Variants in ENTPD1 observed in about 807,000 individuals in gnomAD.
ENTPD1 encodes the protein ectonucleoside triphosphate diphosphohydrolase 1.
A neutral mutation model predicts 57.0 loss-of-function variants in ENTPD1; 33 were observed. That is an observed-to-expected ratio of 0.58 (90% CI 0.44 to 0.77). The LOEUF is 0.77. ENTPD1 is among the 30% of genes least tolerant of loss of function. The pLI is 0.00. For synonymous variants in ENTPD1, 202 were observed against 218.8 expected, an observed-to-expected ratio of 0.92 and a Z score of 0.68; for missense variants, 501 against 603.4, an observed-to-expected ratio of 0.83 and a Z score of 1.78.
intron 1 of ENTPD1, among the ~76,000 whole-genome samples, chr10:95,761,757 C>A (rs2098064211): frequency 6.6e-6 from 1 of 152,184 alleles, no homozygotes; most frequent in African/African-American, 2.4e-5. Context: ...CCAAGCTTCC[C>A]TAAACTTCCC....
intron 8 of ENTPD1, among the ~76,000 whole-genome samples, chr10:95,862,904 G>A (rs928949851): frequency 2.0e-5 from 3 of 152,160 alleles, no homozygotes; most frequent in Non-Finnish European, 4.4e-5. Flanking sequence ...CCCTTTATGT[G>A]GAGGGCAGAA....
intron 7 of ENTPD1, among the ~76,000 whole-genome samples, chr10:95,854,532 C>T (rs890674974): frequency 1.3e-5 from 2 of 152,090 alleles, no homozygotes; most frequent in African/African-American, 4.8e-5. Flanking sequence ...GTTAGGTTGT[C>T]AATTTTAGAT....
chr10:95,792,731 G>T (rs141950028), intron 1 of ENTPD1, among the ~76,000 whole-genome samples: 65 of 152,266 alleles, frequency 4.3e-4, no homozygotes, highest in Middle Eastern at 3.4e-3. Flanking sequence ...CTGGTCTGTT[G>T]GGGCCTAGTG....
At chr10:95,706,498 G>T in the ENTPD1 span, among the ~76,000 whole-genome samples, 1 of 151,966 alleles carries the variant, frequency 6.6e-6, no homozygotes, top group Non-Finnish European at 1.5e-5. Flanking sequence ...CTCTCTGCCC[G>T]CTGGTCGTCC....
chr10:95,743,028 C>T (rs1051073186), intron 1 of ENTPD1, among the ~76,000 whole-genome samples: 2 of 152,282 alleles, frequency 1.3e-5, no homozygotes, highest in African/African-American at 4.8e-5. Flanking sequence ...AAAGTCCATA[C>T]TTTATTCAGA....
chr10:95,829,950 G>A lies in ENTPD1; in HGVS notation c.144+6586G>A, dbSNP rs148011899. 5.7e-3 allele frequency among the ~76,000 whole-genome samples: 873 copies of A among 152,218 alleles called. 5 individuals carry two copies. Among genetic ancestry groups the A allele is most frequent in the Non-Finnish European group, 9.9e-3 (670 of 68,004 alleles). On this transcript the variant is annotated intron_variant, in intron 2 of 9. Coordinates refer to ENST00000371205, the MANE Select transcript of ENTPD1 (RefSeq NM_001776.6). Reference sequence around the variant, plus strand: ...TAGAGTAGGTCTGTATTAAAAGCTAGTTTGGCTCTCAGTATGCCCCCTTTG... The same window carrying A: ...TAGAGTAGGTCTGTATTAAAAGCTAATTTGGCTCTCAGTATGCCCCCTTTG...
At chr10:95,840,697 T>G (rs2098420564) in intron 3 of ENTPD1, among the ~76,000 whole-genome samples, 1 of 152,224 alleles carries the variant, frequency 6.6e-6, no homozygotes, top group Non-Finnish European at 1.5e-5. Context: ...AATTTTTTTC[T>G]TTTAAGGTCA....
chr10:95,782,765 A>G (rs1340056560), intron 1 of ENTPD1, among the ~76,000 whole-genome samples: 2 of 152,120 alleles, frequency 1.3e-5, no homozygotes, highest in Non-Finnish European at 2.9e-5. Context: ...CAGTTTTTCT[A>G]TTCTTTTATC....
intron 4 of ENTPD1, among the ~76,000 whole-genome samples, 190 bp downstream of exon 4, chr10:95,842,684 TTATG>T (rs2098425055): frequency 6.9e-6 from 1 of 144,204 alleles, no homozygotes; most frequent in Non-Finnish European, 1.5e-5. Context: ...GGGTAGGATT[TTATG>T]TATGTTAAAA....
chr10:95,772,989 C>T (rs879715473), intron 1 of ENTPD1, among the ~76,000 whole-genome samples: 21 of 151,898 alleles, frequency 1.4e-4, no homozygotes, highest in Admixed American at 1.1e-3. Context: ...GGGCATCTGG[C>T]GAGGGTTTCA....
intron 1 of ENTPD1, among the ~76,000 whole-genome samples, chr10:95,776,331 C>T (rs533141210): frequency 6.6e-6 from 1 of 152,256 alleles, no homozygotes; most frequent in Admixed American, 6.5e-5. Flanking sequence ...TAAGGCAGGC[C>T]TGGTGGTGAC....
chr10:95,697,376 T>G, the ENTPD1 span, among the ~76,000 whole-genome samples: 2 of 152,060 alleles, frequency 1.3e-5, no homozygotes, highest in African/African-American at 4.8e-5. Flanking sequence ...CTTCTGACAT[T>G]TAGGAGGAAG....
chr10:95,800,909 G>T (rs1222698532), intron 1 of ENTPD1, among the ~76,000 whole-genome samples: 1 of 152,106 alleles, frequency 6.6e-6, no homozygotes, highest in Non-Finnish European at 1.5e-5. Flanking sequence ...GGGTCCTGAG[G>T]TGACATACAT....
chr10:95,783,744 A>G (rs1222113128), intron 1 of ENTPD1, among the ~76,000 whole-genome samples: 2 of 151,882 alleles, frequency 1.3e-5, no homozygotes, highest in South Asian at 2.1e-4. Flanking sequence ...CTTCTTCAAG[A>G]CAGTATCCAA....
chr10:95,769,889 G>A (rs2098108235), intron 1 of ENTPD1, among the ~76,000 whole-genome samples: 1 of 152,184 alleles, frequency 6.6e-6, no homozygotes, highest in African/African-American at 2.4e-5. Context: ...GAAGGATGGA[G>A]TTGCCTTGAG....
intron 1 of ENTPD1, among the ~76,000 whole-genome samples, chr10:95,783,004 C>A (rs1201530953): frequency 6.6e-6 from 1 of 151,994 alleles, no homozygotes; most frequent in Non-Finnish European, 1.5e-5. Context: ...CTTTTGCACA[C>A]CTATAAAATG....
upstream of ENTPD1, among the ~76,000 whole-genome samples, chr10:95,707,656 G>T (rs1437813375): frequency 6.6e-6 from 1 of 152,188 alleles, no homozygotes; most frequent in East Asian, 1.9e-4. Flanking sequence ...TCAGGCTGGA[G>T]TGCAGTGGTG....
chr10:95,861,225 G>A (rs2098464730), intron 8 of ENTPD1: 1 of 153,182 alleles, frequency 6.5e-6, no homozygotes, highest in Non-Finnish European at 1.5e-5. Flanking sequence ...AGACACAATT[G>A]TGGTAAAATC....
At chr10:95,787,005 A>G (rs1340059969) in intron 1 of ENTPD1, among the ~76,000 whole-genome samples, 1 of 152,214 alleles carries the variant, frequency 6.6e-6, no homozygotes, top group African/African-American at 2.4e-5. Flanking sequence ...AACAAGGTAG[A>G]AAAGGTGACT....
Sources: gnomAD v4.1 joint callset for allele counts (sites outside exome capture counted in the v4.1 genomes callset) on GRCh38, gnomAD v4.1.1 for gene constraint, MANE v1.5 for transcripts, NCBI Gene and HGNC (gene_info 2026-07-23, HGNC 2026-07-21) for gene names.